KIAA0319L: variants seen among roughly 807,000 people sequenced by gnomAD.
KIAA0319L encodes dyslexia-associated protein KIAA0319-like protein.
Under a neutral mutation model 120.1 loss-of-function variants are expected in KIAA0319L, and 55 were observed. That is an observed-to-expected ratio of 0.46 (90% confidence interval 0.37 to 0.57). KIAA0319L has a LOEUF of 0.57. KIAA0319L is among the 20% of genes least tolerant of loss of function. The pLI is 0.00. For missense variants in KIAA0319L, 1,049 were observed against 1,255.3 expected, an observed-to-expected ratio of 0.84 and a Z score of 2.48; for synonymous variants, 398 against 471.9, an observed-to-expected ratio of 0.84 and a Z score of 2.03.
intron 20 of KIAA0319L, chr1:35,440,032 G>C (rs1385205730): frequency 1.3e-5 from 2 of 152,188 alleles, no homozygotes; most frequent in African/African-American, 4.8e-5. Flanking sequence ...TGCAGTGTGA[G>C]GGGTGGGTTT....
chr1:35,452,784 G>C (rs1451225258), intron 12 of KIAA0319L, among the ~76,000 whole-genome samples: 5 of 152,104 alleles, frequency 3.3e-5, no homozygotes, highest in Non-Finnish European at 7.3e-5. Flanking sequence ...CATTTGTATA[G>C]TCAAATTAAA....
At chr1:35,446,833 T>C (rs1434575034) in intron 16 of KIAA0319L, among the ~76,000 whole-genome samples, 1 of 152,222 alleles carries the variant, frequency 6.6e-6, no homozygotes, top group Non-Finnish European at 1.5e-5. Context: ...GGCTCCTGCC[T>C]GTATGCAGTA....
rs117567636 is a variant in KIAA0319L, at chr1:35,544,153, C to T, written c.142+10197G>A. Among the ~76,000 whole-genome samples the T allele has an allele frequency of 0.02, 3,009 of 151,974 alleles. 196 individuals carry two copies. In the East Asian group the frequency reaches 0.24, roughly 12 times the overall value. On this transcript the variant is annotated intron_variant, in intron 2 of 20. Coordinates refer to ENST00000325722, the MANE Select transcript of KIAA0319L (RefSeq NM_024874.5). ...GGGGCCAAGGCGGGCAGATTGCCTG[C>T]GCTCAGGAGTTCGAGACCAGCCTGG... is the stretch of plus-strand genomic sequence containing the variant.
chr1:35,484,691 G>C (rs951028077), intron 3 of KIAA0319L, among the ~76,000 whole-genome samples: 4 of 148,146 alleles, frequency 2.7e-5, no homozygotes, highest in Admixed American at 6.8e-5. Flanking sequence ...AATGTGGTTA[G>C]AGCCACTTCC....
chr1:35,523,952 G>GT, intron 2 of KIAA0319L, among the ~76,000 whole-genome samples: 1 of 152,170 alleles, frequency 6.6e-6, no homozygotes, highest in Non-Finnish European at 1.5e-5. Context: ...AAAGCACCAA[G>GT]TTACACAAGA....
At chr1:35,501,788 G>A (rs1192006403) in intron 3 of KIAA0319L, among the ~76,000 whole-genome samples, 2 of 150,916 alleles carry the variant, frequency 1.3e-5, no homozygotes, top group African/African-American at 2.5e-5. Flanking sequence ...TGAGGCAGAC[G>A]AATTGCTTGA....
chr1:35,465,450 G>C (rs12072736), intron 7 of KIAA0319L, among the ~76,000 whole-genome samples: 2 of 152,138 alleles, frequency 1.3e-5, no homozygotes, highest in Non-Finnish European at 2.9e-5. Context: ...CATTTGGAAC[G>C]GCTATATTTA....
At chr1:35,451,224 T>C (rs1201922897) in intron 13 of KIAA0319L, among the ~76,000 whole-genome samples, 2 of 152,200 alleles carry the variant, frequency 1.3e-5, no homozygotes, top group Non-Finnish European at 2.9e-5. Context: ...AGTGCGGCCG[T>C]CATTCTCAAG....
chr1:35,476,913 T>C (rs1220762790), intron 4 of KIAA0319L, among the ~76,000 whole-genome samples: 1 of 152,214 alleles, frequency 6.6e-6, no homozygotes, highest in African/African-American at 2.4e-5. Flanking sequence ...TCCTAATACC[T>C]TAGAACAGCA....
chr1:35,515,597 C>A (rs1236999036), intron 2 of KIAA0319L, among the ~76,000 whole-genome samples: 1 of 152,116 alleles, frequency 6.6e-6, no homozygotes, highest in Non-Finnish European at 1.5e-5. Context: ...TAAATACCCA[C>A]ATCAAAAGGT....
At chr1:35,543,478 A>G (rs957425261) in intron 2 of KIAA0319L, among the ~76,000 whole-genome samples, 1 of 152,250 alleles carries the variant, frequency 6.6e-6, no homozygotes, top group Non-Finnish European at 1.5e-5. Flanking sequence ...CATGAAGAGC[A>G]GAGATATAAT....
chr1:35,451,568 T>A, intron 13 of KIAA0319L, 60 bp downstream of exon 13: 1 of 1,531,268 alleles, frequency 6.5e-7, no homozygotes, highest in East Asian at 2.3e-5. Context: ...CATGACAGGA[T>A]AAATTCTTCA....
chr1:35,537,615 TAAAAAAA>T (rs58080321), intron 2 of KIAA0319L, among the ~76,000 whole-genome samples: 4 of 102,938 alleles, frequency 3.9e-5, no homozygotes, highest in Non-Finnish European at 7.9e-5. Context: ...TAAGCGCCAT[TAAAAAAA>T]AAAAAAAAAA....
chr1:35,503,380 G>A (rs1645079514), intron 3 of KIAA0319L, among the ~76,000 whole-genome samples: 1 of 152,160 alleles, frequency 6.6e-6, no homozygotes, highest in Non-Finnish European at 1.5e-5. Flanking sequence ...TCTGGTCCCT[G>A]GGCAGCAGCA....
chr1:35,451,864 A>T, intron 12 of KIAA0319L, 88 bp from the exon 13 acceptor site: 1 of 1,357,000 alleles, frequency 7.4e-7, no homozygotes, highest in Non-Finnish European at 1.0e-6. Context: ...TGACTCCCTC[A>T]GCAAAGACAC....
intron 2 of KIAA0319L, among the ~76,000 whole-genome samples, chr1:35,525,956 T>A (rs531697020): frequency 6.6e-6 from 1 of 152,274 alleles, no homozygotes; most frequent in South Asian, 2.1e-4. Flanking sequence ...CCCAGTAGTT[T>A]TACAGTTCTG....
chr1:35,556,801 C>T (rs1648143006), intron 1 of KIAA0319L: 1 of 152,190 alleles, frequency 6.6e-6, no homozygotes, highest in African/African-American at 2.4e-5. Flanking sequence ...GCAGGTTTCA[C>T]ATTATAATGG....
intron 2 of KIAA0319L, among the ~76,000 whole-genome samples, chr1:35,544,886 A>T (rs1646925691): frequency 6.6e-6 from 1 of 152,208 alleles, no homozygotes; most frequent in Non-Finnish European, 1.5e-5. Flanking sequence ...CAATCCTGAG[A>T]AGGGAAACCT....
chr1:35,535,096 TAAAAAA>T (rs56965473), intron 2 of KIAA0319L, among the ~76,000 whole-genome samples: 1 of 56,330 alleles, frequency 1.8e-5, no homozygotes, highest in African/African-American at 6.4e-5. Flanking sequence ...GACTCCGTCT[TAAAAAA>T]AAAAAAAAAA....
Sources: allele counts gnomAD v4.1 joint callset (sites outside exome capture counted in the v4.1 genomes callset), GRCh38; gene constraint gnomAD v4.1.1; transcripts MANE v1.5; gene names NCBI Gene and HGNC (gene_info 2026-07-23, HGNC 2026-07-21).